The following OR2H1 variants were observed in gnomAD, a reference collection of about 807,000 sequenced individuals.
The protein encoded by OR2H1 is olfactory receptor family 2 subfamily H member 1, also known as olfactory receptor 2H1.
For missense variants in OR2H1, 380 were observed against 367.3 expected (o/e 1.03, Z -0.28); for synonymous variants, 155 against 155.2 (o/e 1.00, Z 0.01).
At chr6:29,457,748 G>A (rs1033420419) in intron 1 of OR2H1, among the ~76,000 whole-genome samples, 1 of 152,152 alleles carries the variant, frequency 6.6e-6, no homozygotes, top group Non-Finnish European at 1.5e-5. Context: ...GAGCACATTC[G>A]AGGCTTGAGA....
rs2151429951 is a variant in OR2H1, at chr6:29,462,078, G to A, written c.309G>A (p.Leu103=). ...LGCSVQLFIF[L]SLGTTECILL... ...GCTCTGTCCAGCTCTTCATCTTCCT[G>A]TCCCTGGGGACCACTGAGTGCATCC... Residue 103 remains leucine, a synonymous_variant, in exon 4 of 4, where the codon CTG becomes CTA. Transcript: ENST00000377133. 1 of 1,613,582 alleles carries A rather than the reference G, an allele frequency of 6.2e-7. No individual in the cohort carries two copies. The highest frequency in any genetic ancestry group is 8.5e-7 in the Non-Finnish European group (1 of 1,180,022).
Position 29,462,608 on chromosome 6 carries a change from C to A in OR2H1, c.839C>A (p.Thr280Asn). 6.2e-7 allele frequency: 1 copy of A among 1,613,032 alleles called. No individual in the cohort carries two copies. Among genetic ancestry groups the A allele is most frequent in the Admixed American group, 1.7e-5 (1 of 60,020 alleles). ...KFFGLFYAVG[T>N]PSLNPLVYTL... ...TTTGGTCTCTTCTATGCAGTGGGCA[C>A]TCCTTCACTTAACCCTCTCGTATAC... Residue 280 changes from threonine to asparagine, a missense_variant, in exon 4 of 4, where the codon ACT becomes AAT. By Grantham distance (65) the Thr-to-Asn change is moderately conservative. Transcript: ENST00000377133.
At chr6:29,460,269 G>C (rs556923366) in intron 2 of OR2H1, 135 bp from the exon 3 acceptor site, 2 of 151,674 alleles carry the variant, frequency 1.3e-5, no homozygotes, top group South Asian at 4.2e-4. Context: ...GTAATGGCAC[G>C]ATCTCAGCTC....
rs750975557 is a variant in OR2H1 at position 29,462,343 on chromosome 6, T to C, written c.574T>C (p.Tyr192His). ...LIRLSCGDTS[Y>H]NEIQLAVSSV... is the part of the protein sequence containing the mutation. Reference sequence around the variant, plus strand: ...TCGACTCTCCTGTGGAGATACCTCCTACAATGAAATCCAGTTGGCTGTGTC... The same window carrying C: ...TCGACTCTCCTGTGGAGATACCTCCCACAATGAAATCCAGTTGGCTGTGTC... The change falls in exon 4 of 4, where the codon TAC becomes CAC. Residue 192 changes from tyrosine to histidine, a missense_variant. Coordinates refer to ENST00000377133, the MANE Select transcript of OR2H1 (RefSeq NM_030883.5). 9.3e-6 allele frequency: 15 copies of C among 1,613,004 alleles called. No individual in the cohort carries two copies. The highest frequency in any genetic ancestry group is 1.3e-5 in the Non-Finnish European group (15 of 1,180,036).
Position 29,463,033 on chromosome 6 carries a change from T to C in OR2H1, c.*313T>C. The stretch of plus-strand genomic sequence containing the variant: ...ATAGATTTCCTAACTCCACCATGCC[T>C]ATTTCTGGTTATATAATTGCTCTCC... On this transcript the variant is annotated 3_prime_UTR_variant, in exon 4 of 4. Transcript: ENST00000377133. 2.6e-6 allele frequency: 1 copy of C among 384,570 alleles called. No individual in the cohort carries two copies. Among genetic ancestry groups the C allele is most frequent in the Non-Finnish European group, 4.9e-6 (1 of 206,064 alleles). 23.8% of individuals were successfully genotyped at this position (384,570 alleles called of 1,614,324 possible). A position where few individuals can be genotyped will look rare whatever the true frequency, so the allele number is the denominator to read the frequency against.
chr6:29,462,349 G>A lies in OR2H1; in HGVS notation c.580G>A (p.Glu194Lys). Residue 194 changes from glutamate (E) to lysine (K), a missense_variant, in exon 4 of 4, where the codon GAA becomes AAA. Coordinates refer to ENST00000377133, the MANE Select transcript of OR2H1 (RefSeq NM_030883.5). ...RLSCGDTSYNEIQLAVSSVIF... is the reference protein window; with the variant it reads ...RLSCGDTSYNKIQLAVSSVIF... ...CTCCTGTGGAGATACCTCCTACAAT[G>A]AAATCCAGTTGGCTGTGTCCAGTGT... 6.2e-7 allele frequency: 1 copy of A among 1,613,104 alleles called. No individual in the cohort carries two copies. Among genetic ancestry groups the A allele is most frequent in the Non-Finnish European group, 8.5e-7 (1 of 1,180,042 alleles).
chr6:29,462,996 G>A lies in OR2H1; in HGVS notation c.*276G>A, dbSNP rs1787508015. 1 of 481,270 alleles carries A rather than the reference G, an allele frequency of 2.1e-6. No individual in the cohort carries two copies. The highest frequency in any genetic ancestry group is 3.8e-5 in the South Asian group (1 of 26,332). The allele number at this position is 481,270 out of a possible 1,614,324, so 29.8% of individuals were successfully genotyped here. ...TATCCTCCATTCTGTTCTTTTTACT[G>A]TCATCACTTCTATAGATTTCCTAAC... On this transcript the variant is annotated 3_prime_UTR_variant, in exon 4 of 4. Transcript: ENST00000377133.
chr6:29,462,096 G>A lies in OR2H1; in HGVS notation c.327G>A (p.Glu109=), dbSNP rs1787344747. 1 of 1,613,704 alleles carries A rather than the reference G, an allele frequency of 6.2e-7. No homozygotes were observed. The highest frequency in any genetic ancestry group is 8.5e-7 in the Non-Finnish European group (1 of 1,180,024). Residue 109 remains glutamate, a synonymous_variant, in exon 4 of 4, where the codon GAG becomes GAA. Coordinates refer to ENST00000377133, the MANE Select transcript of OR2H1 (RefSeq NM_030883.5). ...TCTTCCTGTCCCTGGGGACCACTGA[G>A]TGCATCCTCCTGACAGTGATGGCCT... ...LFIFLSLGTT[E]CILLTVMAFD... is the part of the protein sequence containing the mutation.
chr6:29,464,010 A>G lies in OR2H1; in HGVS notation c.*1290A>G, dbSNP rs1345129640. On this transcript the variant is annotated 3_prime_UTR_variant, in exon 4 of 4. Transcript: ENST00000377133. ...AACATATGAATTTTGGAAGGACATA[A>G]GCATTCAACCCCCTGCACATGTCTT... 2 of 166,980 alleles carry G rather than the reference A, an allele frequency of 1.2e-5. No homozygotes were observed. Among genetic ancestry groups the G allele is most frequent in the African/African-American group, 2.4e-5 (1 of 41,466 alleles). 10.3% of individuals were successfully genotyped at this position (166,980 alleles called of 1,614,324 possible).
intron 1 of OR2H1, among the ~76,000 whole-genome samples, chr6:29,457,671 A>T (rs2151419937): frequency 6.6e-6 from 1 of 152,338 alleles, no homozygotes; most frequent in Non-Finnish European, 1.5e-5. Flanking sequence ...TGTGCACTTC[A>T]TTATGTAAAT....
intron 1 of OR2H1, among the ~76,000 whole-genome samples, chr6:29,458,186 A>G (rs1411643690): frequency 1.3e-5 from 2 of 152,246 alleles, no homozygotes; most frequent in Non-Finnish European, 2.9e-5. Context: ...TGGTTAGCGC[A>G]TAGCTTCTTC....
intron 3 of OR2H1, chr6:29,460,747 C>A (rs1329817695): frequency 6.6e-6 from 1 of 152,056 alleles, no homozygotes; most frequent in Non-Finnish European, 1.5e-5. Flanking sequence ...TTCAGAAATT[C>A]TTTAAATTAC....
Position 29,461,863 on chromosome 6 carries a change from T to C in OR2H1, c.94T>C (p.Ser32Pro). ...GACTCTCTTTGTGGTTGTCTTCACT[T>C]CCTACCTCTTGACCCTGGTGGGCAA... Reference protein sequence around the residue: ...ERTLFVVVFTSYLLTLVGNTL... With the variant: ...ERTLFVVVFTPYLLTLVGNTL... Residue 32 changes from serine (S) to proline (P), a missense_variant, in exon 4 of 4, where the codon TCC (serine) becomes CCC (proline). Physicochemically the swap from Ser to Pro is moderately conservative, Grantham distance 74 (BLOSUM62 -1). Transcript: ENST00000377133. 1 of 1,613,050 alleles carries C rather than the reference T, an allele frequency of 6.2e-7. No individual in the cohort carries two copies. Among genetic ancestry groups the C allele is most frequent in the Non-Finnish European group, 8.5e-7 (1 of 1,180,018 alleles).
rs147145187 is a variant in OR2H1, at chr6:29,459,560, C to T, written c.-326-844C>T. Among the ~76,000 whole-genome samples the T allele has an allele frequency of 5.7e-3, 872 of 152,290 alleles. 6 individuals are homozygous for T. The highest frequency in any genetic ancestry group is 0.015 in the African/African-American group (623 of 41,560). ...AAGGGAGATGGGAGGCAGCTTTTAACACCAGACAGGGTCCTGTGATGCAGA... is the reference window on the plus strand; with the variant it reads ...AAGGGAGATGGGAGGCAGCTTTTAATACCAGACAGGGTCCTGTGATGCAGA... On this transcript the variant is annotated intron_variant, in intron 2 of 3. Coordinates refer to ENST00000377133, the MANE Select transcript of OR2H1 (RefSeq NM_030883.5).
chr6:29,461,728 G>C lies in OR2H1; in HGVS notation c.-42G>C. ...TGATAAGACAGGTTGAATCACACTGGGGTGACAGCCTCATCCCTCCAGGTA... is the reference window on the plus strand; with the variant it reads ...TGATAAGACAGGTTGAATCACACTGCGGTGACAGCCTCATCCCTCCAGGTA... On this transcript the variant is annotated 5_prime_UTR_variant, in exon 4 of 4. Transcript: ENST00000377133. 1 of 1,487,428 alleles carries C rather than the reference G, an allele frequency of 6.7e-7. No homozygotes were observed. The highest frequency in any genetic ancestry group is 9.3e-7 in the Non-Finnish European group (1 of 1,076,532). The allele number at this position is 1,487,428 out of a possible 1,614,324, so 92.1% of individuals were successfully genotyped here.
At position 29,462,980 on chromosome 6, in the gene OR2H1, T is replaced by C; in HGVS notation, c.*260T>C. 1.9e-6 allele frequency: 1 copy of C among 517,848 alleles called. No individual in the cohort carries two copies. Among genetic ancestry groups the C allele is most frequent in the South Asian group, 3.3e-5 (1 of 30,176 alleles). The allele number at this position is 517,848 out of a possible 1,614,324, so 32.1% of individuals were successfully genotyped here. ...CCATTCTTAATATTTCTATCCTCCA[T>C]TCTGTTCTTTTTACTGTCATCACTT... On this transcript the variant is annotated 3_prime_UTR_variant, in exon 4 of 4. Coordinates refer to ENST00000377133, the MANE Select transcript of OR2H1 (RefSeq NM_030883.5).
intron 2 of OR2H1, 119 bp downstream of exon 2, chr6:29,458,688 C>G (rs1561851463): frequency 6.6e-6 from 1 of 152,188 alleles, no homozygotes; most frequent in Admixed American, 6.5e-5. Context: ...TAACCCTGGG[C>G]AAGTTACTTA....
Position 29,461,888 on chromosome 6 carries a change from A to C in OR2H1, c.119A>C (p.Asn40Thr), listed in dbSNP as rs745729217. The C allele has an allele frequency of 3.7e-6, 6 of 1,612,836 alleles. No homozygotes were observed. The highest frequency in any genetic ancestry group is 5.1e-6 in the Non-Finnish European group (6 of 1,180,002). The change falls in exon 4 of 4, where the codon AAC becomes ACC. Residue 40 changes from asparagine (N) to threonine (T), a missense_variant. Asn to Thr is a moderately conservative substitution (Grantham distance 65). Transcript: ENST00000377133. ...TCCTACCTCTTGACCCTGGTGGGCA[A>C]CACACTCATCATCCTGCTGTCTGTA... ...FTSYLLTLVGNTLIILLSVLY... is the reference protein window; with the variant it reads ...FTSYLLTLVGTTLIILLSVLY...
Position 29,462,535 on chromosome 6 carries a change from G to C in OR2H1, c.766G>C (p.Val256Leu). The part of the protein sequence containing the change: ...VTLFYSSVIA[V>L]YLQPKNPYAQ... ...CCTCTTCTACAGCTCAGTCATTGCT[G>C]TCTACCTCCAGCCCAAAAATCCGTA... The change falls in exon 4 of 4, where the codon GTC (valine) becomes CTC (leucine). Residue 256 changes from valine (V) to leucine (L), a missense_variant. Physicochemically the swap from Val to Leu is conservative, Grantham distance 32. Transcript: ENST00000377133. 1 of 1,613,008 alleles carries C rather than the reference G, an allele frequency of 6.2e-7. No individual in the cohort carries two copies. The highest frequency in any genetic ancestry group is 2.2e-5 in the East Asian group (1 of 44,874).
Sources: gnomAD v4.1 joint callset for allele counts (sites outside exome capture counted in the v4.1 genomes callset) on GRCh38, gnomAD v4.1.1 for gene constraint, MANE v1.5 for transcripts, NCBI Gene and HGNC (gene_info 2026-07-23, HGNC 2026-07-21) for gene names.